The following CCSER1 variants were observed in gnomAD, a reference collection of about 807,000 sequenced individuals.
CCSER1 encodes the protein coiled-coil serine rich protein 1.
CCSER1 carries 41 observed loss-of-function variants against 82.0 expected under a neutral mutation model. The ratio of observed to expected loss-of-function variants is 0.50; its 90% confidence interval spans 0.39 to 0.65. The LOEUF (loss-of-function observed/expected upper bound fraction) is 0.65, where lower values mean the gene tolerates loss of function less well. Ranked by LOEUF, CCSER1 falls within the 30% of genes least tolerant of loss-of-function variation. The pLI, the probability that CCSER1 is intolerant of heterozygous loss-of-function variation, is 0.00. For synonymous variants in CCSER1, 414 were observed against 383.9 expected, an observed-to-expected ratio of 1.08 and a Z score of -0.92; for missense variants, 1,119 against 1,064.2, an observed-to-expected ratio of 1.05 and a Z score of -0.72.
At chr4:90,141,020 A>ATTATC (rs146218548) in intron 1 of CCSER1, among the ~76,000 whole-genome samples, 12 of 145,874 alleles carry the variant, frequency 8.2e-5, no homozygotes, top group East Asian at 6.2e-4. Context: ...ACCCAGCAAG[A>ATTATC]TATCTATCTA....
intron 9 of CCSER1, among the ~76,000 whole-genome samples, chr4:90,995,452 A>C (rs1194967115): frequency 6.6e-6 from 1 of 152,116 alleles, no homozygotes; most frequent in Admixed American, 6.6e-5. Context: ...TTTAGCCCAT[A>C]GTAATTACAT....
At chr4:91,246,044 T>C (rs1427378779) in intron 10 of CCSER1, among the ~76,000 whole-genome samples, 1 of 152,168 alleles carries the variant, frequency 6.6e-6, no homozygotes, top group Non-Finnish European at 1.5e-5. Flanking sequence ...GGTACAAAAC[T>C]AATTGGTAGT....
At chr4:90,361,390 A>T (rs1232113771) in intron 3 of CCSER1, among the ~76,000 whole-genome samples, 1 of 152,156 alleles carries the variant, frequency 6.6e-6, no homozygotes, top group Non-Finnish European at 1.5e-5. Flanking sequence ...ATTACAACTT[A>T]CTTTCTTCTA....
chr4:91,496,678 TTTGA>T (rs1578620234), intron 10 of CCSER1, among the ~76,000 whole-genome samples: 3 of 21,518 alleles, frequency 1.4e-4, no homozygotes, highest in Non-Finnish European at 1.2e-4. Flanking sequence ...ATTCAATATA[TTTGA>T]ATATATATAT....
intron 10 of CCSER1, among the ~76,000 whole-genome samples, chr4:91,187,662 C>G (rs892124953): frequency 5.9e-5 from 9 of 152,062 alleles, no homozygotes; most frequent in African/African-American, 1.9e-4. Context: ...AGAGATTCTC[C>G]TTCCTCAGCC....
At chr4:90,436,360 G>A (rs1758991154) in intron 4 of CCSER1, among the ~76,000 whole-genome samples, 1 of 152,132 alleles carries the variant, frequency 6.6e-6, no homozygotes, top group Non-Finnish European at 1.5e-5. Flanking sequence ...TTTGTTGTGT[G>A]AACTTTCAGC....
chr4:91,458,415 G>A (rs948566688), intron 10 of CCSER1, among the ~76,000 whole-genome samples: 9 of 152,020 alleles, frequency 5.9e-5, no homozygotes, highest in Non-Finnish European at 1.0e-4. Context: ...TGCTGTTTTG[G>A]GAACTATAGC....
chr4:91,506,720 A>C (rs76479983), intron 10 of CCSER1, among the ~76,000 whole-genome samples: 9,974 of 152,252 alleles, frequency 0.066, 452 homozygotes, highest in South Asian at 0.17. Context: ...ATTACAATTA[A>C]GTTGTTTTCA....
chr4:90,567,019 A>C lies in CCSER1; in HGVS notation c.1725-61006A>C, dbSNP rs56791872. ...TTTATTGGTTTTGCTTACTTAAAAA[A>C]AAAAACAAAAACAAAAACAAAAAAA... On this transcript the variant is annotated intron_variant, in intron 5 of 10. Coordinates refer to ENST00000509176, the MANE Select transcript of CCSER1 (RefSeq NM_001145065.2). Among the ~76,000 whole-genome samples the C allele has an allele frequency of 9.0e-3, 1,125 of 124,754 alleles. 7 individuals carry two copies. The highest frequency in any genetic ancestry group is 0.027 in the African/African-American group (771 of 28,308). 81.8% of individuals were successfully genotyped at this position (124,754 alleles called of 152,430 possible).
chr4:90,709,593 G>A (rs752197364), intron 6 of CCSER1, among the ~76,000 whole-genome samples: 17 of 152,060 alleles, frequency 1.1e-4, no homozygotes, highest in Non-Finnish European at 2.4e-4. Context: ...CTCCATCCAT[G>A]TCCATGTAAA....
At chr4:90,280,821 A>G (rs1728722860) in intron 1 of CCSER1, among the ~76,000 whole-genome samples, 1 of 151,958 alleles carries the variant, frequency 6.6e-6, no homozygotes, top group Non-Finnish European at 1.5e-5. Context: ...CATTGGTTAA[A>G]GAACCATTGG....
At position 90,259,601 on chromosome 4, in the gene CCSER1, A is replaced by G. The variant is rs1723949901; in HGVS notation, c.-41-48643A>G. Among the ~76,000 whole-genome samples the G allele has an allele frequency of 1.3e-5, 2 of 152,124 alleles. 1 individual carries two copies. The highest frequency in any genetic ancestry group is 4.1e-4 in the South Asian group (2 of 4,822). The stretch of plus-strand genomic sequence containing the variant: ...AAGATGTTAGCTGTGGGTTTGTCAT[A>G]TATGGCTTTTATTACTTTGAGGTAA... On this transcript the variant is annotated intron_variant, in intron 1 of 10. Transcript: ENST00000509176.
intron 5 of CCSER1, among the ~76,000 whole-genome samples, chr4:90,554,430 T>A (rs1333693251): frequency 2.6e-5 from 4 of 152,176 alleles, no homozygotes; most frequent in Admixed American, 2.6e-4. Context: ...AAATATGTGA[T>A]AATATGTGAT....
At chr4:90,298,885 A>G (rs1295909719) in intron 1 of CCSER1, among the ~76,000 whole-genome samples, 1 of 152,094 alleles carries the variant, frequency 6.6e-6, no homozygotes, top group Non-Finnish European at 1.5e-5. Flanking sequence ...AAACATAAAT[A>G]TGCCTCTTAT....
chr4:90,721,270 C>A (rs1742628277), intron 6 of CCSER1, among the ~76,000 whole-genome samples: 1 of 151,782 alleles, frequency 6.6e-6, no homozygotes, highest in Non-Finnish European at 1.5e-5. Context: ...TTGAAAGAAG[C>A]AGTTTGTCTG....
chr4:90,556,276 T>G (rs1778129979), intron 5 of CCSER1, among the ~76,000 whole-genome samples: 1 of 152,070 alleles, frequency 6.6e-6, no homozygotes, highest in Admixed American at 6.6e-5. Context: ...AAGCAGATGA[T>G]TATTTATAAT....
chr4:90,715,324 A>G (rs551707082), intron 6 of CCSER1, among the ~76,000 whole-genome samples: 297 of 152,128 alleles, frequency 2.0e-3, no homozygotes, highest in Non-Finnish European at 3.1e-3. Context: ...TTCCAAACTA[A>G]GGACCAATTT....
chr4:91,084,116 G>A (rs894582154), intron 9 of CCSER1, among the ~76,000 whole-genome samples: 2 of 151,916 alleles, frequency 1.3e-5, no homozygotes, highest in African/African-American at 4.8e-5. Context: ...TATTTTTAGT[G>A]GAGACAGGGT....
intron 5 of CCSER1, among the ~76,000 whole-genome samples, chr4:90,608,377 T>C (rs1039968801): frequency 2.0e-5 from 3 of 152,204 alleles, no homozygotes; most frequent in Non-Finnish European, 2.9e-5. Context: ...TCTGATGCTT[T>C]ACCTTCTCCT....
Sources: gnomAD v4.1 joint callset for allele counts (sites outside exome capture counted in the v4.1 genomes callset) on GRCh38, gnomAD v4.1.1 for gene constraint, MANE v1.5 for transcripts, NCBI Gene and HGNC (gene_info 2026-07-23, HGNC 2026-07-21) for gene names.